PRRC2B: variants seen among roughly 807,000 people sequenced by gnomAD.
PRRC2B encodes the protein proline rich coiled-coil 2B, also known as protein PRRC2B.
Under a neutral mutation model 242.3 loss-of-function variants are expected in PRRC2B, and 68 were observed. The ratio of observed to expected loss-of-function variants is 0.28; its 90% CI spans 0.23 to 0.34. The LOEUF (loss-of-function observed/expected upper bound fraction) is 0.34, where lower values mean the gene tolerates loss of function less well. Among genes scored for constraint, PRRC2B ranks in the 10% least tolerant of loss-of-function variants. PRRC2B has a pLI of 1.00. For missense variants in PRRC2B, 2,835 were observed against 2,954.8 expected (o/e 0.96, Z 0.94); for synonymous variants, 1,228 against 1,173.6 (o/e 1.05, Z -0.95).
intron 2 of PRRC2B, among the ~76,000 whole-genome samples, chr9:131,431,594 T>G (rs1838174214): frequency 6.7e-6 from 1 of 148,360 alleles, no homozygotes; most frequent in African/African-American, 2.5e-5. Flanking sequence ...AATTTTTTTT[T>G]TTTTTTGAGA....
intron 15 of PRRC2B, 31 bp from the exon 16 acceptor site, chr9:131,474,423 G>T (rs779100730): frequency 3.8e-6 from 6 of 1,567,744 alleles, no homozygotes; most frequent in African/African-American, 1.4e-5. Flanking sequence ...GGCTCCAATC[G>T]CATTGACTGA....
chr9:131,451,688 GCT>G (rs1436965174), intron 9 of PRRC2B, among the ~76,000 whole-genome samples: 1 of 152,182 alleles, frequency 6.6e-6, no homozygotes, highest in African/African-American at 2.4e-5. Context: ...TGAAGTGTCA[GCT>G]GTGGGTTTTT....
rs1022382876 is a variant in PRRC2B at position 131,486,313 on chromosome 9, C to G, written c.5856+131C>G. ...TCCCCCTCACATGTGGTGACCAGCA[C>G]CTGGCCCGCCACGGCAGCCAGGAGG... On this transcript the variant is annotated intron_variant, in intron 26 of 31. Coordinates refer to ENST00000683519, the MANE Select transcript of PRRC2B (RefSeq NM_013318.4). 24 of 840,256 alleles carry G rather than the reference C, an allele frequency of 2.9e-5. No individual in the cohort carries two copies. The African/African-American group carries it at 3.6e-4, about 13-fold the overall frequency. 52.1% of individuals were successfully genotyped at this position (840,256 alleles called of 1,614,324 possible).
chr9:131,407,509 C>T (rs927630889), intron 1 of PRRC2B, among the ~76,000 whole-genome samples: 2 of 152,110 alleles, frequency 1.3e-5, no homozygotes, highest in Admixed American at 6.5e-5. Flanking sequence ...TTGGATCTGT[C>T]CTTTATTCCT....
At chr9:131,425,551 C>T (rs954334478) in intron 1 of PRRC2B, among the ~76,000 whole-genome samples, 4 of 151,970 alleles carry the variant, frequency 2.6e-5, no homozygotes, top group African/African-American at 4.8e-5. Context: ...TGCAGTGGCG[C>T]GATCTCAGCT....
chr9:131,399,485 A>C (rs1402513519), intron 1 of PRRC2B, among the ~76,000 whole-genome samples: 2 of 151,738 alleles, frequency 1.3e-5, no homozygotes, highest in Non-Finnish European at 2.9e-5. Flanking sequence ...AGGCTGAGGC[A>C]GGAGAATGGC....
At chr9:131,420,459 TTCTTTCTTTC>T (rs1353632447) in intron 1 of PRRC2B, among the ~76,000 whole-genome samples, 18 of 9,534 alleles carry the variant, frequency 1.9e-3, no homozygotes, top group African/African-American at 3.2e-3. Flanking sequence ...TTCTTTTTCT[TTCTTTCTTTC>T]TTTCTTTCTT....
chr9:131,392,168 G>A (rs973548981), upstream of PRRC2B, among the ~76,000 whole-genome samples: 3 of 149,668 alleles, frequency 2.0e-5, no homozygotes, highest in South Asian at 2.1e-4. Flanking sequence ...GCATGATCTC[G>A]GCTCAGTGCA....
chr9:131,456,637 CA>C (rs879880633), intron 10 of PRRC2B, among the ~76,000 whole-genome samples: 246 of 140,190 alleles, frequency 1.8e-3, no homozygotes, highest in Admixed American at 1.7e-3. Context: ...GACTCCACCT[CA>C]AAAAAAAAAA....
chr9:131,447,957 C>T (rs1838859093), intron 9 of PRRC2B, 153 bp downstream of exon 9: 3 of 651,298 alleles, frequency 4.6e-6, no homozygotes, highest in Non-Finnish European at 7.0e-6. Context: ...GCCCTCCTTC[C>T]TCATTTACTC....
At chr9:131,463,793 A>AT (rs373358859) in intron 11 of PRRC2B, among the ~76,000 whole-genome samples, 67 of 151,550 alleles carry the variant, frequency 4.4e-4, no homozygotes, top group African/African-American at 1.5e-3. Flanking sequence ...TAATTTTCGT[A>AT]TTTTTTTGGG....
intron 13 of PRRC2B, among the ~76,000 whole-genome samples, chr9:131,468,310 G>T (rs1197294222): frequency 6.6e-6 from 1 of 152,212 alleles, no homozygotes; most frequent in Non-Finnish European, 1.5e-5. Flanking sequence ...GGAGGGGTCA[G>T]TTATGCCCCT....
chr9:131,474,562 G>A lies in PRRC2B; in HGVS notation c.2433G>A (p.Lys811=). 1 of 1,613,976 alleles carries A rather than the reference G, an allele frequency of 6.2e-7. No individual in the cohort carries two copies. The highest frequency in any genetic ancestry group is 8.5e-7 in the Non-Finnish European group (1 of 1,179,892). ...GEEYLSAFDK[K]AQADFDSCIS... ...AGTACTTGAGTGCTTTTGACAAGAA[G>A]GCCCAAGCAGACTTTGACAGCTGTA... The change falls in exon 16 of 32, where the codon AAG becomes AAA. Residue 811 remains lysine, a synonymous_variant. Transcript: ENST00000683519.
At chr9:131,414,188 A>C (rs1837579831) in intron 1 of PRRC2B, among the ~76,000 whole-genome samples, 1 of 151,954 alleles carries the variant, frequency 6.6e-6, no homozygotes, top group African/African-American at 2.4e-5. Flanking sequence ...CAGAAAAGGT[A>C]CTGGGAGAAC....
Position 131,495,794 on chromosome 9 carries a change from G to GC in PRRC2B, c.6615dup (p.Ser2206LeufsTer23), listed in dbSNP as rs1393955587. 1 of 1,612,838 alleles carries GC rather than the reference G, an allele frequency of 6.2e-7. No homozygotes were observed. The highest frequency in any genetic ancestry group is 2.2e-5 in the East Asian group (1 of 44,832). Reference sequence around the variant, plus strand: ...CCTGGGAGCCGTGAAGCTGCAGGAGGCCCCCTCGGCTGCCTCCCAGATGAA... The same window carrying GC: ...CCTGGGAGCCGTGAAGCTGCAGGAGGCCCCCCTCGGCTGCCTCCCAGATGAA... On this transcript the variant is annotated frameshift_variant, in exon 32 of 32. Transcript: ENST00000683519. LOFTEE classifies it high-confidence loss of function.
chr9:131,447,218 G>C lies in PRRC2B; in HGVS notation c.977+12G>C, dbSNP rs1838831578. ...AATGACCAAGACGGGTGAGTCCATT[G>C]CATTACAGTCACGTGTGTAGAGATG... On this transcript the variant is annotated intron_variant, in intron 8 of 31. Transcript: ENST00000683519. The C allele has an allele frequency of 1.2e-6, 2 of 1,613,792 alleles. No homozygotes were observed. Among genetic ancestry groups the C allele is most frequent in the Admixed American group, 1.7e-5 (1 of 59,998 alleles).
At chr9:131,381,266 G>T (rs986949756) in intron 1 of PRRC2B, among the ~76,000 whole-genome samples, 6 of 152,254 alleles carry the variant, frequency 3.9e-5, no homozygotes, top group African/African-American at 1.4e-4. Context: ...GAGCAGGTGG[G>T]ATGGCTTCCT....
intron 1 of PRRC2B, among the ~76,000 whole-genome samples, chr9:131,394,551 C>T (rs1445527185): frequency 1.3e-5 from 2 of 149,358 alleles, no homozygotes; most frequent in African/African-American, 4.9e-5. Context: ...CCAGGGGCCG[C>T]GCGACTCCCT....
chr9:131,478,355 G>C lies in PRRC2B; in HGVS notation c.4613-119G>C, dbSNP rs529694537. On this transcript the variant is annotated intron_variant, in intron 17 of 31. Coordinates refer to ENST00000683519, the MANE Select transcript of PRRC2B (RefSeq NM_013318.4). ...TCAGAGGCGGCCTGAGAAAAGTGCG[G>C]AAGTCCTGTCCAGGTTTCTGTCGAG... 1.5e-5 allele frequency: 15 copies of C among 993,032 alleles called. 1 individual carries two copies. The South Asian group carries it at 1.7e-4, about 11-fold the overall frequency. 61.5% of individuals were successfully genotyped at this position (993,032 alleles called of 1,614,324 possible). A position where few individuals can be genotyped will look rare whatever the true frequency, so the allele number is the denominator to read the frequency against.
Sources: gnomAD v4.1 joint callset for allele counts (sites outside exome capture counted in the v4.1 genomes callset) on GRCh38, gnomAD v4.1.1 for gene constraint, MANE v1.5 for transcripts, NCBI Gene and HGNC (gene_info 2026-07-23, HGNC 2026-07-21) for gene names.